FANCL: variants seen among roughly 807,000 people sequenced by gnomAD.
FANCL encodes the protein E3 ubiquitin-protein ligase FANCL.
Under a neutral mutation model 59.4 loss-of-function variants are expected in FANCL, and 69 were observed. The observed-to-expected ratio is 1.16, with a 90% CI of 0.96 to 1.42. The LOEUF (loss-of-function observed/expected upper bound fraction) is 1.42, where lower values mean the gene tolerates loss of function less well. Ranked by LOEUF, FANCL falls within the 40% of genes most tolerant of loss-of-function variation. FANCL has a pLI of 0.00. For missense variants in FANCL, 519 were observed against 447.2 expected (o/e 1.16, Z -1.45); for synonymous variants, 180 against 147.1 (o/e 1.22, Z -1.62).
At chr2:58,231,402 T>G (rs1693565880) in intron 2 of FANCL, among the ~76,000 whole-genome samples, 3 of 152,340 alleles carry the variant, frequency 2.0e-5, no homozygotes, top group Admixed American at 6.5e-5. Context: ...CTTCTACTTT[T>G]CCATCTGTGA....
At chr2:58,163,341 C>A (rs1685491405) in intron 9 of FANCL, 93 bp downstream of exon 9, 3 of 914,254 alleles carry the variant, frequency 3.3e-6, no homozygotes, top group Non-Finnish European at 3.5e-6. Context: ...ATAAAAACTA[C>A]CATTAATATA....
At chr2:58,191,047 G>C (rs1052501409) in intron 7 of FANCL, among the ~76,000 whole-genome samples, 3 of 151,460 alleles carry the variant, frequency 2.0e-5, no homozygotes, top group Non-Finnish European at 1.5e-5. Context: ...AGAAATGAAG[G>C]TTTAAAACTT....
intron 8 of FANCL, 40 bp from the exon 9 acceptor site, chr2:58,163,557 G>T: frequency 1.6e-6 from 2 of 1,255,362 alleles, no homozygotes; most frequent in Non-Finnish European, 2.3e-6. Context: ...AAGTAGAACA[G>T]CTCATCAAAC....
At chr2:58,200,916 G>A (rs1352180269) in intron 6 of FANCL, among the ~76,000 whole-genome samples, 2 of 151,100 alleles carry the variant, frequency 1.3e-5, no homozygotes, top group African/African-American at 4.9e-5. Context: ...TCATATCTGA[G>A]TTAAATGAGT....
chr2:58,191,261 A>C (rs529645756), intron 7 of FANCL, among the ~76,000 whole-genome samples: 2 of 152,034 alleles, frequency 1.3e-5, no homozygotes, highest in East Asian at 1.9e-4. Context: ...ATATTGAAAA[A>C]AATAATTTTT....
chr2:58,197,067 A>T (rs969546498), intron 7 of FANCL, among the ~76,000 whole-genome samples: 2 of 151,750 alleles, frequency 1.3e-5, no homozygotes, highest in African/African-American at 4.8e-5. Context: ...CTTATAGCAT[A>T]CATCAAAATA....
In FANCL at chr2:58,160,199, AAGG is replaced by A. The variant is rs909075867; in HGVS notation, c.1021-23_1021-21del. On this transcript the variant is annotated intron_variant, in intron 12 of 13. Transcript: ENST00000233741. ...CAGCCACTGCAAATTTTAAAAGATAAAGGAGAAGCGTCAGCATGATTACAAATT... is the reference window on the plus strand; with the variant it reads ...CAGCCACTGCAAATTTTAAAAGATAAAGAAGCGTCAGCATGATTACAAATT... 2 of 1,610,552 alleles carry A rather than the reference AAGG, an allele frequency of 1.2e-6. No homozygotes were observed. Among genetic ancestry groups the A allele is most frequent in the African/African-American group, 1.3e-5 (1 of 74,964 alleles).
intron 7 of FANCL, among the ~76,000 whole-genome samples, chr2:58,192,550 T>C (rs934624018): frequency 1.3e-4 from 19 of 151,942 alleles, no homozygotes; most frequent in African/African-American, 4.3e-4. Flanking sequence ...GTAACCACAT[T>C]ACTTATATCT....
At chr2:58,228,612 T>C (rs951251463) in intron 3 of FANCL, among the ~76,000 whole-genome samples, 4 of 152,222 alleles carry the variant, frequency 2.6e-5, no homozygotes, top group East Asian at 1.9e-4. Context: ...TATGGCTTAC[T>C]AAGCCAGAAA....
intron 7 of FANCL, among the ~76,000 whole-genome samples, chr2:58,170,715 T>G: frequency 6.8e-6 from 1 of 146,340 alleles, no homozygotes. Flanking sequence ...AAAAGCATGG[T>G]TTGCAATACC....
intron 7 of FANCL, among the ~76,000 whole-genome samples, chr2:58,167,986 A>T (rs1393171158): frequency 6.6e-6 from 1 of 152,160 alleles, no homozygotes; most frequent in Admixed American, 6.5e-5. Flanking sequence ...TGAAAAAAAT[A>T]AATTATTTCT....
chr2:58,205,533 C>T (rs1690497795), intron 5 of FANCL, among the ~76,000 whole-genome samples: 1 of 152,050 alleles, frequency 6.6e-6, no homozygotes, highest in Non-Finnish European at 1.5e-5. Flanking sequence ...AACTCCCACA[C>T]TTCAGATTCA....
chr2:58,210,448 T>A (rs1391641979), intron 5 of FANCL, among the ~76,000 whole-genome samples: 1 of 151,738 alleles, frequency 6.6e-6, no homozygotes, highest in East Asian at 1.9e-4. Context: ...ACTGTGGGAG[T>A]ACAATTCAAG....
At chr2:58,202,088 T>C (rs1690089037) in intron 6 of FANCL, among the ~76,000 whole-genome samples, 1 of 151,620 alleles carries the variant, frequency 6.6e-6, no homozygotes, top group African/African-American at 2.4e-5. Context: ...GCAGGCCCAA[T>C]TTCTTTTTTT....
chr2:58,180,946 G>A (rs1216776651), intron 7 of FANCL, among the ~76,000 whole-genome samples: 2 of 152,028 alleles, frequency 1.3e-5, no homozygotes, highest in Non-Finnish European at 2.9e-5. Flanking sequence ...CAAAGCAACT[G>A]AACTCTCATA....
chr2:58,216,123 T>C (rs1451953978), intron 5 of FANCL, among the ~76,000 whole-genome samples: 4 of 152,090 alleles, frequency 2.6e-5, no homozygotes, highest in Non-Finnish European at 4.4e-5. Flanking sequence ...GAGTTTAGGA[T>C]CTACCAGGGG....
chr2:58,199,126 T>C (rs1263696968), intron 6 of FANCL, among the ~76,000 whole-genome samples: 1 of 152,104 alleles, frequency 6.6e-6, no homozygotes, highest in Non-Finnish European at 1.5e-5. Flanking sequence ...TCCACTTTCA[T>C]AGTGATGTGA....
intron 7 of FANCL, among the ~76,000 whole-genome samples, chr2:58,189,888 C>A (rs1434164171): frequency 6.6e-6 from 1 of 151,814 alleles, no homozygotes; most frequent in Non-Finnish European, 1.5e-5. Flanking sequence ...CTTTTTTATT[C>A]TTCCCTATAA....
At position 58,179,366 on chromosome 2, in the gene FANCL, G is replaced by A. The variant is rs1049296392; in HGVS notation, c.541-13492C>T. 1.7e-4 allele frequency among the ~76,000 whole-genome samples: 26 copies of A among 152,274 alleles called. No individual in the cohort carries two copies. In the East Asian group the frequency reaches 4.4e-3, roughly 26 times the overall value. ...AGGCATGCTGTAACCAAAACAGCAT[G>A]GTACTGGTACCAAAACAGAGATATA... is the stretch of plus-strand genomic sequence containing the variant. On this transcript the variant is annotated intron_variant, in intron 7 of 13. Transcript: ENST00000233741.
Sources: allele counts gnomAD v4.1 joint callset (sites outside exome capture counted in the v4.1 genomes callset), GRCh38; gene constraint gnomAD v4.1.1; transcripts MANE v1.5; gene names NCBI Gene and HGNC (gene_info 2026-07-23, HGNC 2026-07-21).